Variants in EIF2AK2 observed in about 807,000 individuals in gnomAD.
EIF2AK2 encodes the protein eukaryotic translation initiation factor 2 alpha kinase 2.
Under a neutral mutation model 70.5 loss-of-function variants are expected in EIF2AK2, and 40 were observed. That is an observed-to-expected ratio of 0.57 (90% CI 0.44 to 0.74). The LOEUF is 0.74. Ranked by LOEUF, EIF2AK2 falls within the 30% of genes least tolerant of loss-of-function variation. The probability of loss-of-function intolerance (pLI) is 0.00; values close to 1 mark genes in which losing one functional copy is unlikely to be tolerated. For synonymous variants in EIF2AK2, 198 were observed against 220.9 expected, an observed-to-expected ratio of 0.90 and a Z score of 0.92; for missense variants, 555 against 644.3, an observed-to-expected ratio of 0.86 and a Z score of 1.50.
In EIF2AK2 at chr2:37,122,565, G is replaced by T. The variant is rs375984815; in HGVS notation, c.1008C>A (p.Thr336=). ...CWDGFDYDPE[T]SDDSLESSDY... is the part of the protein sequence containing the mutation. ...CACTGCTCTCAAGAGAATCATCACT[G>T]GTCTCAGGATCATAATCAAATCCAT... The change falls in exon 12 of 17, where the codon ACC becomes ACA. Residue 336 remains threonine, a synonymous_variant. Transcript: ENST00000233057. 1 of 1,614,082 alleles carries T rather than the reference G, an allele frequency of 6.2e-7. No individual in the cohort carries two copies. Among genetic ancestry groups the T allele is most frequent in the Non-Finnish European group, 8.5e-7 (1 of 1,180,014 alleles).
At chr2:37,147,515 A>G (rs1474810336) in intron 3 of EIF2AK2, among the ~76,000 whole-genome samples, 173 bp downstream of exon 3, 2 of 122,008 alleles carry the variant, frequency 1.6e-5, no homozygotes, top group Non-Finnish European at 3.2e-5. Flanking sequence ...TCCTGTGTCC[A>G]TGTGTTCTCA....
intron 13 of EIF2AK2, among the ~76,000 whole-genome samples, chr2:37,117,185 C>T (rs1295717701): frequency 6.7e-6 from 1 of 149,332 alleles, no homozygotes; most frequent in Non-Finnish European, 1.5e-5. Flanking sequence ...TGCACTCCAG[C>T]CTGGGCAACA....
chr2:37,149,068 G>A (rs554538643), intron 1 of EIF2AK2, 45 bp from the exon 2 acceptor site: 2 of 991,042 alleles, frequency 2.0e-6, no homozygotes, highest in Admixed American at 1.7e-5. Flanking sequence ...GCAACCGCTG[G>A]TTCAGACAGA....
intron 13 of EIF2AK2, among the ~76,000 whole-genome samples, chr2:37,116,769 G>A (rs1452449563): frequency 6.6e-6 from 1 of 152,246 alleles, no homozygotes; most frequent in Admixed American, 6.5e-5. Flanking sequence ...GTAGGAATAT[G>A]TCAGGATTGC....
At chr2:37,151,960 C>A (rs935014236) in intron 1 of EIF2AK2, among the ~76,000 whole-genome samples, 1 of 152,132 alleles carries the variant, frequency 6.6e-6, no homozygotes, top group Admixed American at 6.5e-5. Flanking sequence ...CAGCTACTCG[C>A]GAGGCTGAGG....
intron 10 of EIF2AK2, among the ~76,000 whole-genome samples, chr2:37,131,884 C>CA (rs1387952573): frequency 6.6e-6 from 1 of 152,004 alleles, no homozygotes; most frequent in Admixed American, 6.6e-5. Context: ...TTAACCCTAG[C>CA]AAAAAACACA....
At position 37,125,718 on chromosome 2, in the gene EIF2AK2, CA is replaced by C. The variant is rs545716063; in HGVS notation, c.908+570del. Among the ~76,000 whole-genome samples the C allele has an allele frequency of 8.5e-5, 13 of 152,304 alleles. No individual in the cohort carries two copies. The South Asian group carries it at 2.7e-3, about 32-fold the overall frequency. ...CTGACTGCAAATCCCTCTGAGACCCCAAGTGAGAATTGTCCAGATGAGCACA... is the reference window on the plus strand; with the variant it reads ...CTGACTGCAAATCCCTCTGAGACCCCAGTGAGAATTGTCCAGATGAGCACA... On this transcript the variant is annotated intron_variant, in intron 11 of 16. Coordinates refer to ENST00000233057, the MANE Select transcript of EIF2AK2 (RefSeq NM_001135651.3).
chr2:37,123,631 T>G (rs75014917), intron 11 of EIF2AK2, among the ~76,000 whole-genome samples: 1,657 of 152,302 alleles, frequency 0.011, 27 homozygotes, highest in African/African-American at 0.036. Flanking sequence ...AAAATCTTTG[T>G]ATTTCACAAG....
At chr2:37,129,888 A>C (rs1674880260) in intron 10 of EIF2AK2, among the ~76,000 whole-genome samples, 1 of 152,134 alleles carries the variant, frequency 6.6e-6, no homozygotes, top group South Asian at 2.1e-4. Flanking sequence ...CCTTCCTCAG[A>C]CATTCCATAT....
chr2:37,150,152 A>C (rs1675693028), intron 1 of EIF2AK2, among the ~76,000 whole-genome samples: 1 of 152,096 alleles, frequency 6.6e-6, no homozygotes, highest in Non-Finnish European at 1.5e-5. Context: ...AAAAAAAAAA[A>C]AAAAACAAAC....
chr2:37,153,444 A>G (rs1017216561), intron 1 of EIF2AK2, among the ~76,000 whole-genome samples: 6 of 147,848 alleles, frequency 4.1e-5, no homozygotes, highest in African/African-American at 1.5e-4. Flanking sequence ...GGCTCAAGCG[A>G]TCCTCCCACC....
intron 13 of EIF2AK2, among the ~76,000 whole-genome samples, chr2:37,119,496 T>G (rs547333474): frequency 6.6e-6 from 1 of 152,166 alleles, no homozygotes; most frequent in Non-Finnish European, 1.5e-5. Context: ...ATTATTTGCA[T>G]GGAAATGTTC....
In EIF2AK2 at chr2:37,138,264, C is replaced by T. The variant is rs190058968; in HGVS notation, c.687+6G>A. 29 of 1,605,494 alleles carry T rather than the reference C, an allele frequency of 1.8e-5. No individual in the cohort carries two copies. The Middle Eastern group carries it at 5.0e-4, about 28-fold the overall frequency. On this transcript the variant is annotated splice_donor_region_variant and intron_variant, in intron 8 of 16. Coordinates refer to ENST00000233057, the MANE Select transcript of EIF2AK2 (RefSeq NM_001135651.3). ...TAAGTAGGAAGCTTCGAGACTAATA[C>T]GATACCATAAGCAACGAAGAACTGT...
Position 37,114,154 on chromosome 2 carries a change from T to G in EIF2AK2, c.1377+577A>C, listed in dbSNP as rs190715471. ...ATTAATAAAAATAAAAATAATTAGCTGGGCACAGTGGTATGTGCCTCTAGA... is the reference window on the plus strand; with the variant it reads ...ATTAATAAAAATAAAAATAATTAGCGGGGCACAGTGGTATGTGCCTCTAGA... On this transcript the variant is annotated intron_variant, in intron 14 of 16. Transcript: ENST00000233057. 3.2e-4 allele frequency among the ~76,000 whole-genome samples: 48 copies of G among 152,168 alleles called. 1 individual carries two copies. Among genetic ancestry groups the G allele is most frequent in the Admixed American group, 9.8e-4 (15 of 15,274 alleles).
intron 2 of EIF2AK2, among the ~76,000 whole-genome samples, chr2:37,148,065 C>T (rs1675616698): frequency 6.6e-6 from 1 of 152,214 alleles, no homozygotes; most frequent in South Asian, 2.1e-4. Flanking sequence ...TGTGGTGGCT[C>T]ACGCCTATAA....
At chr2:37,148,529 A>C in intron 2 of EIF2AK2, 1 of 677,178 alleles carries the variant, frequency 1.5e-6, no homozygotes, top group Non-Finnish European at 2.7e-6. Context: ...TAGAATCAAC[A>C]ATGATGGATC....
chr2:37,136,403 T>C (rs1307189296), intron 9 of EIF2AK2, among the ~76,000 whole-genome samples: 1 of 152,206 alleles, frequency 6.6e-6, no homozygotes, highest in South Asian at 2.1e-4. Flanking sequence ...TCATCCCTCC[T>C]GACTGCCACA....
intron 13 of EIF2AK2, chr2:37,115,148 T>C (rs187071100): frequency 2.6e-4 from 45 of 175,430 alleles, no homozygotes; most frequent in African/African-American, 1.0e-3. Flanking sequence ...CCTGGGTTCA[T>C]GCCATTCTCC....
Position 37,115,004 on chromosome 2 carries a change from T to C in EIF2AK2, c.1249-145A>G, listed in dbSNP as rs575082112. 5 of 423,928 alleles carry C rather than the reference T, an allele frequency of 1.2e-5. No individual in the cohort carries two copies. The East Asian group carries it at 2.1e-4, about 18-fold the overall frequency. 26.3% of individuals were successfully genotyped at this position (423,928 alleles called of 1,614,324 possible). ...GTAGCCAAAATCAGGGAATTTAATA[T>C]GACTCGTCTTTAAAATGCCAGCTGA... On this transcript the variant is annotated intron_variant, in intron 13 of 16. Transcript: ENST00000233057.
Sources: allele counts gnomAD v4.1 joint callset (sites outside exome capture counted in the v4.1 genomes callset), GRCh38; gene constraint gnomAD v4.1.1; transcripts MANE v1.5; gene names NCBI Gene and HGNC (gene_info 2026-07-23, HGNC 2026-07-21).